BCS1L: variants seen among roughly 807,000 people sequenced by gnomAD.
The protein encoded by BCS1L is BCS1 ubiquinol-cytochrome c reductase complex chaperone.
BCS1L carries 38 observed loss-of-function variants against 49.3 expected under a neutral mutation model. The observed-to-expected ratio is 0.77, with a 90% confidence interval of 0.59 to 1.01. The LOEUF is 1.01. Among genes scored for constraint, BCS1L ranks in the 50% least tolerant of loss-of-function variants. The pLI is 0.00. For synonymous variants in BCS1L, 193 were observed against 210.1 expected, an observed-to-expected ratio of 0.92 and a Z score of 0.70; for missense variants, 394 against 540.2, an observed-to-expected ratio of 0.73 and a Z score of 2.68.
chr2:218,663,408 TCTC>T lies in BCS1L; in HGVS notation c.*29_*31del. The T allele has an allele frequency of 6.2e-7, 1 of 1,613,512 alleles. No individual in the cohort carries two copies. The highest frequency in any genetic ancestry group is 1.1e-5 in the South Asian group (1 of 91,026). ...GTGATCAGGCTGGGCTCAGCTCAGC[TCTC>T]CTCCTCTAGCTCAATAAACATCTGC... On this transcript the variant is annotated 3_prime_UTR_variant, in exon 8 of 8. Coordinates refer to ENST00000359273, the MANE Select transcript of BCS1L (RefSeq NM_001079866.2).
In BCS1L at chr2:218,663,245, A is replaced by G. The variant is rs199661869; in HGVS notation, c.1119A>G (p.Ala373=). The G allele has an allele frequency of 6.2e-7, 1 of 1,614,194 alleles. No homozygotes were observed. Among genetic ancestry groups the G allele is most frequent in the Non-Finnish European group, 8.5e-7 (1 of 1,180,046 alleles). Residue 373 remains alanine, a synonymous_variant, in exon 8 of 8, where the codon GCA becomes GCG. Coordinates refer to ENST00000359273, the MANE Select transcript of BCS1L (RefSeq NM_001079866.2). The part of the protein sequence containing the change: ...QMFQRFYPGQ[A]PSLAENFAEH... ...TCCAGAGGTTCTATCCAGGGCAGGC[A>G]CCTTCCTTAGCTGAGAACTTTGCAG...
At position 218,661,263 on chromosome 2, in the gene BCS1L, C is replaced by T. The variant is rs772010441; in HGVS notation, c.276C>T (p.Ser92=). ...TTCAGCATGAGAGTGGCCGCATTTC[C>T]ACTAAGTTTGAATTTGTCCCCAGCC... ...SYLQHESGRI[S]TKFEFVPSPG... Residue 92 remains serine (S), a synonymous_variant, in exon 2 of 8, where the codon TCC becomes TCT. Coordinates refer to ENST00000359273, the MANE Select transcript of BCS1L (RefSeq NM_001079866.2). This position sits in a 1 kb window ranked among gnomAD's most constrained non-coding sequence, Gnocchi z 5.9. 1.9e-6 allele frequency: 3 copies of T among 1,614,224 alleles called. No homozygotes were observed. The African/African-American group carries it at 4.0e-5, about 22-fold the overall frequency.
In BCS1L at chr2:218,661,550, G is replaced by A. The variant is rs760608304; in HGVS notation, c.460+5G>A. The A allele has an allele frequency of 1.9e-6, 3 of 1,614,086 alleles. No homozygotes were observed. The highest frequency in any genetic ancestry group is 2.5e-6 in the Non-Finnish European group (3 of 1,180,016). On this transcript the variant is annotated splice_donor_5th_base_variant and intron_variant, in intron 3 of 7. Transcript: ENST00000359273. This position sits in a 1 kb window ranked among gnomAD's most constrained non-coding sequence, Gnocchi z 5.9. Reference sequence around the variant, plus strand: ...TCTTCAACATCCTGGAGGAAGGTGTGGGATGGCACAGGCAGGCTTTCTAGG... The same window carrying A: ...TCTTCAACATCCTGGAGGAAGGTGTAGGATGGCACAGGCAGGCTTTCTAGG...
In BCS1L at chr2:218,662,373, G is replaced by GA; in HGVS notation, c.719+116dup. 6.8e-7 allele frequency: 1 copy of GA among 1,481,426 alleles called. No homozygotes were observed. Among genetic ancestry groups the GA allele is most frequent in the Admixed American group, 1.7e-5 (1 of 59,662 alleles). The allele number at this position is 1,481,426 out of a possible 1,614,324, so 91.8% of individuals were successfully genotyped here. On this transcript the variant is annotated intron_variant, in intron 5 of 7. Coordinates refer to ENST00000359273, the MANE Select transcript of BCS1L (RefSeq NM_001079866.2). The surrounding 1 kb of genome is among the most constrained non-coding windows in gnomAD (Gnocchi z 5.8). ...GGGGATCGGGGACCAGGATAAACAT[G>GA]AAACGTGTGGAACATCAGGGTGTGA...
intron 1 of BCS1L, chr2:218,660,598 T>C (rs892093998): frequency 4.2e-6 from 1 of 239,098 alleles, no homozygotes; most frequent in Non-Finnish European, 8.3e-6. Context: ...CGCTTCTCCC[T>C]TGCTGACTGC....
At position 218,661,929 on chromosome 2, in the gene BCS1L, A is replaced by G; in HGVS notation, c.631A>G (p.Asn211Asp). Residue 211 changes from asparagine to aspartate, a missense_variant, in exon 4 of 8, where the codon AAC (asparagine) becomes GAC (aspartate). Transcript: ENST00000359273. This position sits in a 1 kb window ranked among gnomAD's most constrained non-coding sequence, Gnocchi z 5.9. ...IVRDVQEFID[N>D]PKWYTDRGIP... ...CAGAGACGTCCAGGAATTCATCGAT[A>G]ACCCCAAGTGGTACACTGACAGAGG... The G allele has an allele frequency of 6.2e-7, 1 of 1,614,122 alleles. No homozygotes were observed. The highest frequency in any genetic ancestry group is 8.5e-7 in the Non-Finnish European group (1 of 1,180,030).
rs1939570177 is a variant in BCS1L, at chr2:218,662,415, C to CT, written c.720-94dup. The stretch of plus-strand genomic sequence containing the variant: ...AGGGTGTGAGGTAGAAGTCAGGCCT[C>CT]TGAGACACATGTCCCCAGGCGGTGA... On this transcript the variant is annotated intron_variant, in intron 5 of 7. Transcript: ENST00000359273. The surrounding 1 kb of genome is among the most constrained non-coding windows in gnomAD (Gnocchi z 5.8). The CT allele has an allele frequency of 6.4e-7, 1 of 1,560,304 alleles. No homozygotes were observed. The highest frequency in any genetic ancestry group is 8.8e-7 in the Non-Finnish European group (1 of 1,134,738).
rs752688266 is a variant in BCS1L at position 218,661,426 on chromosome 2, G to T, written c.341G>T (p.Arg114Leu). ...HFIWYRGKWI[R>L]VERSREMQMI... ...TTCAGGTATCGGGGGAAATGGATTCGGGTAGAACGAAGTCGAGAGATGCAG... is the reference window on the plus strand; with the variant it reads ...TTCAGGTATCGGGGGAAATGGATTCTGGTAGAACGAAGTCGAGAGATGCAG... The change falls in exon 3 of 8, where the codon CGG becomes CTG. Residue 114 changes from arginine (R) to leucine (L), a missense_variant. Arg to Leu is a moderately radical substitution (Grantham distance 102). Transcript: ENST00000359273. The surrounding 1 kb of genome is among the most constrained non-coding windows in gnomAD (Gnocchi z 5.9). The T allele has an allele frequency of 1.1e-5, 18 of 1,614,070 alleles. No homozygotes were observed. Among genetic ancestry groups the T allele is most frequent in the Non-Finnish European group, 1.4e-5 (17 of 1,180,044 alleles).
Position 218,662,611 on chromosome 2 carries a change from C to T in BCS1L, c.821C>T (p.Pro274Leu), listed in dbSNP as rs144823158. Reference sequence around the variant, plus strand: ...CTCAACCACCTGCTGAGCGTGGCCCCGCAGCAGAGCCTGGTACTCCTGGAG... The same window carrying T: ...CTCAACCACCTGCTGAGCGTGGCCCTGCAGCAGAGCCTGGTACTCCTGGAG... ...DRLNHLLSVA[P>L]QQSLVLLEDV... Residue 274 changes from proline (P) to leucine (L), a missense_variant, in exon 6 of 8, where the codon CCG becomes CTG. By Grantham distance (98) the Pro-to-Leu change is moderately conservative. Coordinates refer to ENST00000359273, the MANE Select transcript of BCS1L (RefSeq NM_001079866.2). This position sits in a 1 kb window ranked among gnomAD's most constrained non-coding sequence, Gnocchi z 5.8. The T allele has an allele frequency of 1.2e-5, 19 of 1,614,172 alleles. No individual in the cohort carries two copies. Among genetic ancestry groups the T allele is most frequent in the East Asian group, 2.2e-5 (1 of 44,882 alleles).
rs1386499826 is a variant in BCS1L at position 218,662,655 on chromosome 2, C to A, written c.865C>A (p.Leu289Ile). The change falls in exon 6 of 8, where the codon CTC becomes ATC. Residue 289 changes from leucine to isoleucine, a missense_variant. By Grantham distance (5) the Leu-to-Ile change is conservative (BLOSUM62 2). Transcript: ENST00000359273. The surrounding 1 kb of genome is among the most constrained non-coding windows in gnomAD (Gnocchi z 5.8). ...CCTGGAGGATGTGGATGCTGCTTTT[C>A]TCAGTCGAGACTTGGCTGTGGAGAG... ...VLLEDVDAAF[L>I]SRDLAVENPV... 1.2e-6 allele frequency: 2 copies of A among 1,614,158 alleles called. No individual in the cohort carries two copies. Among genetic ancestry groups the A allele is most frequent in the Admixed American group, 1.7e-5 (1 of 60,016 alleles).
chr2:218,661,975 G>A lies in BCS1L; in HGVS notation c.655+22G>A. ...AGAGGTGAGAAGCAGCTGGGGTCTT[G>A]GCTGTGCTGTTTTTGACATTTTTAG... On this transcript the variant is annotated intron_variant, in intron 4 of 7. Coordinates refer to ENST00000359273, the MANE Select transcript of BCS1L (RefSeq NM_001079866.2). The surrounding 1 kb of genome is among the most constrained non-coding windows in gnomAD (Gnocchi z 5.9). 1 of 1,612,132 alleles carries A rather than the reference G, an allele frequency of 6.2e-7. No homozygotes were observed. The highest frequency in any genetic ancestry group is 1.1e-5 in the South Asian group (1 of 90,718).
At position 218,663,273 on chromosome 2, in the gene BCS1L, C is replaced by A. The variant is rs770355409; in HGVS notation, c.1147C>A (p.His383Asn). 4 of 1,614,220 alleles carry A rather than the reference C, an allele frequency of 2.5e-6. No homozygotes were observed. In the East Asian group the frequency reaches 8.9e-5, roughly 36 times the overall value. ...APSLAENFAE[H>N]VLRATNQISP... ...TTCCTTAGCTGAGAACTTTGCAGAA[C>A]ATGTCCTTCGAGCTACAAACCAGAT... is the stretch of plus-strand genomic sequence containing the variant. Residue 383 changes from histidine (H) to asparagine (N), a missense_variant, in exon 8 of 8, where the codon CAT (histidine) becomes AAT (asparagine). Transcript: ENST00000359273.
At chr2:218,660,428 ACC>A in intron 1 of BCS1L, 7 of 161,570 alleles carry the variant, frequency 4.3e-5, no homozygotes, top group Admixed American at 1.7e-4. Context: ...GGAGGTGAAG[ACC>A]TATTAAAATG....
At chr2:218,658,833 G>A (rs1363216743), upstream of BCS1L, 1 of 152,312 alleles carries the variant, frequency 6.6e-6, no homozygotes. Flanking sequence ...TAGGAGACAG[G>A]TGGGCACCAG....
In BCS1L at chr2:218,661,600, G is replaced by C; in HGVS notation, c.460+55G>C. ...GGACATTGCAGGGATGGGGACATTTGACATCAGATGAGCAGTTTGGAGAAG... is the reference window on the plus strand; with the variant it reads ...GGACATTGCAGGGATGGGGACATTTCACATCAGATGAGCAGTTTGGAGAAG... On this transcript the variant is annotated intron_variant, in intron 3 of 7. Coordinates refer to ENST00000359273, the MANE Select transcript of BCS1L (RefSeq NM_001079866.2). This position sits in a 1 kb window ranked among gnomAD's most constrained non-coding sequence, Gnocchi z 5.9. 4 of 1,608,082 alleles carry C rather than the reference G, an allele frequency of 2.5e-6. No homozygotes were observed. The South Asian group carries it at 4.4e-5, about 18-fold the overall frequency.
intron 1 of BCS1L, chr2:218,660,419 GA>G: frequency 6.5e-6 from 1 of 154,000 alleles, no homozygotes; most frequent in Non-Finnish European, 1.4e-5. Context: ...CGTGAAGCAG[GA>G]GGTGAAGACC....
At chr2:218,658,761 G>A (rs1233927863), upstream of BCS1L, 1 of 152,166 alleles carries the variant, frequency 6.6e-6, no homozygotes. Context: ...TCCGGGGGGA[G>A]CCAAGGAGGA....
At position 218,661,924 on chromosome 2, in the gene BCS1L, T is replaced by C; in HGVS notation, c.626T>C (p.Ile209Thr). Reference sequence around the variant, plus strand: ...ATTGTCAGAGACGTCCAGGAATTCATCGATAACCCCAAGTGGTACACTGAC... The same window carrying C: ...ATTGTCAGAGACGTCCAGGAATTCACCGATAACCCCAAGTGGTACACTGAC... ...DRIVRDVQEFIDNPKWYTDRG... is the reference protein window; with the variant it reads ...DRIVRDVQEFTDNPKWYTDRG... Residue 209 changes from isoleucine to threonine, a missense_variant, in exon 4 of 8, where the codon ATC (isoleucine) becomes ACC (threonine). By Grantham distance (89) the Ile-to-Thr change is moderately conservative. Transcript: ENST00000359273. This position sits in a 1 kb window ranked among gnomAD's most constrained non-coding sequence, Gnocchi z 5.9. The C allele has an allele frequency of 6.2e-7, 1 of 1,614,064 alleles. No homozygotes were observed. The highest frequency in any genetic ancestry group is 8.5e-7 in the Non-Finnish European group (1 of 1,179,998).
rs1199770171 is a variant in BCS1L at position 218,662,336 on chromosome 2, G to A, written c.719+76G>A. On this transcript the variant is annotated intron_variant, in intron 5 of 7. Coordinates refer to ENST00000359273, the MANE Select transcript of BCS1L (RefSeq NM_001079866.2). This position sits in a 1 kb window ranked among gnomAD's most constrained non-coding sequence, Gnocchi z 5.8. ...ACACTAGGCTGATAGGGTTGGAAGG[G>A]GAAATGAATCTGGGGATCGGGGACC... 2.0e-6 allele frequency: 3 copies of A among 1,532,854 alleles called. No homozygotes were observed. The highest frequency in any genetic ancestry group is 2.7e-6 in the Non-Finnish European group (3 of 1,106,960). 95.0% of individuals were successfully genotyped at this position (1,532,854 alleles called of 1,614,324 possible).
Sources: allele counts gnomAD v4.1 joint callset, GRCh38; gene constraint gnomAD v4.1.1; non-coding constraint Gnocchi (gnomAD v3.1); transcripts MANE v1.5; gene names NCBI Gene and HGNC (gene_info 2026-07-23, HGNC 2026-07-21).